Variants in MYO6 observed in about 807,000 individuals in gnomAD.
The protein encoded by MYO6 is unconventional myosin-VI.
Under a neutral mutation model 178.7 loss-of-function variants are expected in MYO6, and 74 were observed. The observed-to-expected ratio is 0.41, with a 90% CI of 0.34 to 0.50. The LOEUF (loss-of-function observed/expected upper bound fraction) is 0.50, where lower values mean the gene tolerates loss of function less well. Among genes scored for constraint, MYO6 ranks in the 20% least tolerant of loss-of-function variants. MYO6 has a pLI of 0.09. For synonymous variants in MYO6, 477 were observed against 504.6 expected, an observed-to-expected ratio of 0.95 and a Z score of 0.73; for missense variants, 1,330 against 1,547.4, an observed-to-expected ratio of 0.86 and a Z score of 2.36.
At chr6:75,883,941 AT>A (rs1778231078) in intron 23 of MYO6, among the ~76,000 whole-genome samples, 1 of 152,254 alleles carries the variant, frequency 6.6e-6, no homozygotes, top group Non-Finnish European at 1.5e-5. Flanking sequence ...AATTGTGAAT[AT>A]AGATAAAAAG....
At chr6:75,768,014 G>A (rs911991788) in intron 1 of MYO6, 2 of 152,154 alleles carry the variant, frequency 1.3e-5, no homozygotes, top group Admixed American at 6.6e-5. Flanking sequence ...AAGTAGCTGG[G>A]ATTACATGTT....
At position 75,881,717 on chromosome 6, in the gene MYO6, C is replaced by T. The variant is rs760179044; in HGVS notation, c.2315C>T (p.Ser772Phe). ...KFAEFDQIMK[S>F]DPDHLAELVK... ...GCAGAATTTGATCAGATCATGAAGT[C>T]TGACCCTGACCACTTAGCAGAGTTG... is the stretch of plus-strand genomic sequence containing the variant. Residue 772 changes from serine (S) to phenylalanine (F), a missense_variant, in exon 23 of 35, where the codon TCT becomes TTT. Ser to Phe is a radical substitution (Grantham distance 155, BLOSUM62 -2). Transcript: ENST00000369977. 6.2e-7 allele frequency: 1 copy of T among 1,613,988 alleles called. No homozygotes were observed. Among genetic ancestry groups the T allele is most frequent in the Admixed American group, 1.7e-5 (1 of 60,024 alleles).
chr6:75,912,393 T>G (rs1006966376), intron 33 of MYO6, among the ~76,000 whole-genome samples: 2 of 152,170 alleles, frequency 1.3e-5, no homozygotes, highest in East Asian at 3.9e-4. Flanking sequence ...CAATTGAATG[T>G]GAAGGAAAGT....
chr6:75,764,169 CA>C (rs1447254645), intron 1 of MYO6, among the ~76,000 whole-genome samples: 1 of 152,164 alleles, frequency 6.6e-6, no homozygotes, highest in Non-Finnish European at 1.5e-5. Flanking sequence ...CTCAGCTTCC[CA>C]AAGTGCTGGG....
At chr6:75,787,724 CTCTCTCTATA>C (rs1354133997) in intron 1 of MYO6, among the ~76,000 whole-genome samples, 146 of 24,356 alleles carry the variant, frequency 6.0e-3, no homozygotes, top group Non-Finnish European at 8.0e-3. Context: ...CTCTCTCTCT[CTCTCTCTATA>C]TATATATATA....
intron 23 of MYO6, among the ~76,000 whole-genome samples, chr6:75,882,435 G>C (rs1778116641): frequency 1.3e-5 from 2 of 152,044 alleles, no homozygotes; most frequent in Non-Finnish European, 2.9e-5. Flanking sequence ...TGTCTTTCAA[G>C]ATCATGTAAA....
chr6:75,800,587 G>A (rs899635644), intron 1 of MYO6, among the ~76,000 whole-genome samples: 1 of 152,120 alleles, frequency 6.6e-6, no homozygotes, highest in South Asian at 2.1e-4. Context: ...AAATTTAAAC[G>A]GGGAGCTAGG....
chr6:75,794,205 A>G (rs944055689), intron 1 of MYO6, among the ~76,000 whole-genome samples: 6 of 152,222 alleles, frequency 3.9e-5, no homozygotes, highest in African/African-American at 1.2e-4. Flanking sequence ...GAAGGAGAAC[A>G]TTAAATTATA....
intron 1 of MYO6, among the ~76,000 whole-genome samples, chr6:75,771,877 T>C (rs1765928532): frequency 6.6e-6 from 1 of 152,184 alleles, no homozygotes; most frequent in South Asian, 2.1e-4. Context: ...AAGTAAAACT[T>C]TCTTGTCAGG....
chr6:75,858,836 A>G, intron 13 of MYO6, 66 bp from the exon 14 acceptor site: 1 of 915,612 alleles, frequency 1.1e-6, no homozygotes, highest in Non-Finnish European at 1.7e-6. Context: ...ATTACATTTT[A>G]TCCTATGATA....
intron 15 of MYO6, among the ~76,000 whole-genome samples, chr6:75,861,759 A>C (rs984295959): frequency 1.3e-5 from 2 of 152,192 alleles, no homozygotes; most frequent in African/African-American, 2.4e-5. Context: ...TATAATAATA[A>C]TACTACTTTA....
intron 33 of MYO6, among the ~76,000 whole-genome samples, chr6:75,913,102 G>GAGA (rs1481253591): frequency 6.6e-6 from 1 of 152,112 alleles, no homozygotes; most frequent in Admixed American, 6.5e-5. Flanking sequence ...TTTTCATAGT[G>GAGA]AGACTCTTAA....
At chr6:75,754,925 A>C (rs1777222258) in intron 1 of MYO6, among the ~76,000 whole-genome samples, 1 of 152,154 alleles carries the variant, frequency 6.6e-6, no homozygotes, top group Non-Finnish European at 1.5e-5. Context: ...AAGGAAATGG[A>C]GACTCAAAAA....
rs184024513 is a variant in MYO6, at chr6:75,810,224, C to T, written c.-47-7277C>T. Among the ~76,000 whole-genome samples, 3 of 152,230 alleles carry T rather than the reference C, an allele frequency of 2.0e-5. No individual in the cohort carries two copies. The East Asian group carries it at 5.8e-4, about 29-fold the overall frequency. ...AGATGTCAGACTTAGGTAATCTCGCCCAGATCCATCCTGGAAATGCCTGGC... is the reference window on the plus strand; with the variant it reads ...AGATGTCAGACTTAGGTAATCTCGCTCAGATCCATCCTGGAAATGCCTGGC... On this transcript the variant is annotated intron_variant, in intron 1 of 34. Transcript: ENST00000369977.
chr6:75,794,529 C>G (rs1768578723), intron 1 of MYO6, among the ~76,000 whole-genome samples: 1 of 151,914 alleles, frequency 6.6e-6, no homozygotes, highest in African/African-American at 2.4e-5. Flanking sequence ...ACTTTCAACC[C>G]AGAACTCAAT....
Position 75,756,769 on chromosome 6 carries a change from A to G in MYO6, c.-48+7346A>G, listed in dbSNP as rs141631185. The stretch of plus-strand genomic sequence containing the variant: ...ATGACCTTCATTTTACAGATTAGGA[A>G]ACTGAGGGGCAGAGATGTTAAATTT... On this transcript the variant is annotated intron_variant, in intron 1 of 34. Transcript: ENST00000369977. Among the ~76,000 whole-genome samples the G allele has an allele frequency of 5.5e-4, 84 of 152,046 alleles. 1 individual carries two copies. The East Asian group carries it at 0.015, about 27-fold the overall frequency.
intron 25 of MYO6, among the ~76,000 whole-genome samples, chr6:75,887,978 CA>C (rs199663064): frequency 7.1e-6 from 1 of 141,462 alleles, no homozygotes; most frequent in Non-Finnish European, 1.5e-5. Flanking sequence ...GACTCCGTCT[CA>C]AAAAAAATAA....
At chr6:75,875,946 A>G (rs1163781342) in intron 20 of MYO6, among the ~76,000 whole-genome samples, 1 of 152,204 alleles carries the variant, frequency 6.6e-6, no homozygotes, top group African/African-American at 2.4e-5. Context: ...GAGGTCCCAT[A>G]GAGCCTGGCC....
rs76054024 is a variant in MYO6 at position 75,762,316 on chromosome 6, C to T, written c.-48+12893C>T. 6.0e-4 allele frequency among the ~76,000 whole-genome samples: 92 copies of T among 152,278 alleles called. 1 individual carries two copies. In the East Asian group the frequency reaches 0.016, roughly 27 times the overall value. On this transcript the variant is annotated intron_variant, in intron 1 of 34. Transcript: ENST00000369977. ...CAGTTATTTTCTCATTTAATTCTCA[C>T]GTTGACCCTATGAGGTGACTATTCT...
Sources: allele counts gnomAD v4.1 joint callset (sites outside exome capture counted in the v4.1 genomes callset), GRCh38; gene constraint gnomAD v4.1.1; transcripts MANE v1.5; gene names NCBI Gene and HGNC (gene_info 2026-07-23, HGNC 2026-07-21).